The following EPC2 variants were observed in gnomAD, a reference collection of about 807,000 sequenced individuals.
EPC2 encodes the protein enhancer of polycomb homolog 2.
Under a neutral mutation model 92.1 loss-of-function variants are expected in EPC2, and 14 were observed. The ratio of observed to expected loss-of-function variants is 0.15; its 90% CI spans 0.10 to 0.24. The LOEUF (loss-of-function observed/expected upper bound fraction) is 0.24. Among genes scored for constraint, EPC2 ranks in the 10% least tolerant of loss-of-function variants. The pLI is 1.00. For synonymous variants in EPC2, 340 were observed against 334.7 expected (o/e 1.02, Z -0.17); for missense variants, 755 against 971.5 (o/e 0.78, Z 2.96).
At chr2:148,720,485 G>A (rs542205634) in intron 2 of EPC2, among the ~76,000 whole-genome samples, 2 of 152,290 alleles carry the variant, frequency 1.3e-5, no homozygotes, top group East Asian at 1.9e-4. Flanking sequence ...TGGACCTCCC[G>A]CCTTGTCTGA....
At chr2:148,727,892 C>T (rs770185061) in intron 2 of EPC2, among the ~76,000 whole-genome samples, 2 of 152,190 alleles carry the variant, frequency 1.3e-5, no homozygotes, top group Non-Finnish European at 2.9e-5. Context: ...CTTCTGTACA[C>T]TCTCCACTCC....
chr2:148,647,414 T>C (rs1683825427), intron 1 of EPC2, among the ~76,000 whole-genome samples: 2 of 151,680 alleles, frequency 1.3e-5, no homozygotes, highest in African/African-American at 4.8e-5. Flanking sequence ...TTCAGGTGAT[T>C]TTCCTGCCTC....
chr2:148,751,711 G>T (rs1683085648), intron 3 of EPC2, among the ~76,000 whole-genome samples: 1 of 152,008 alleles, frequency 6.6e-6, no homozygotes, highest in South Asian at 2.1e-4. Flanking sequence ...TTTTAATCAT[G>T]TGACTTAATA....
At chr2:148,698,373 C>G (rs1051534884) in intron 2 of EPC2, among the ~76,000 whole-genome samples, 1 of 152,092 alleles carries the variant, frequency 6.6e-6, no homozygotes, top group African/African-American at 2.4e-5. Flanking sequence ...CGCAGTGGCT[C>G]GTGCCTGTAA....
In EPC2 at chr2:148,765,041, T is replaced by A. The variant is rs1054131052; in HGVS notation, c.1035T>A (p.Ala345=). The change falls in exon 7 of 14, where the codon GCT becomes GCA. Residue 345 remains alanine, a synonymous_variant. Coordinates refer to ENST00000258484, the MANE Select transcript of EPC2 (RefSeq NM_015630.4). ...ACCCAAAGAAGCCTAAAGCAGAGGC[T>A]TTGATAACATCTCAGCAACCCACTC... ...KKYPKKPKAE[A]LITSQQPTPE... 3 of 1,609,740 alleles carry A rather than the reference T, an allele frequency of 1.9e-6. No homozygotes were observed. Among genetic ancestry groups the A allele is most frequent in the Non-Finnish European group, 2.5e-6 (3 of 1,177,488 alleles).
intron 1 of EPC2, among the ~76,000 whole-genome samples, chr2:148,670,215 C>G (rs1202006308): frequency 1.3e-5 from 2 of 152,196 alleles, no homozygotes; most frequent in Non-Finnish European, 2.9e-5. Flanking sequence ...TGTTTTCCTT[C>G]TCTTAAAGAG....
At chr2:148,750,618 C>T (rs1041655066) in intron 3 of EPC2, among the ~76,000 whole-genome samples, 17 of 151,896 alleles carry the variant, frequency 1.1e-4, no homozygotes, top group Admixed American at 8.5e-4. Flanking sequence ...ATTGGCTTGC[C>T]GTAATTTTGT....
chr2:148,745,703 A>G (rs146625694), intron 3 of EPC2, among the ~76,000 whole-genome samples: 156 of 152,236 alleles, frequency 1.0e-3, no homozygotes, highest in African/African-American at 3.5e-3. Flanking sequence ...ATTAAAGATA[A>G]CAAAGGGCTA....
intron 1 of EPC2, among the ~76,000 whole-genome samples, chr2:148,667,684 A>G (rs1391040168): frequency 1.3e-5 from 2 of 152,164 alleles, no homozygotes; most frequent in East Asian, 1.9e-4. Context: ...ACTCCAGTAC[A>G]ATATTGAATA....
intron 2 of EPC2, among the ~76,000 whole-genome samples, chr2:148,697,351 A>T (rs558409715): frequency 6.6e-6 from 1 of 152,060 alleles, no homozygotes; most frequent in East Asian, 1.9e-4. Flanking sequence ...GGGTAGAGGC[A>T]GGTTGCTTGC....
chr2:148,729,877 G>A (rs971673560), intron 2 of EPC2, among the ~76,000 whole-genome samples: 2 of 152,140 alleles, frequency 1.3e-5, no homozygotes, highest in African/African-American at 2.4e-5. Context: ...TCTCATAGTT[G>A]TCATCATTAC....
At chr2:148,721,133 T>C (rs557717318) in intron 2 of EPC2, among the ~76,000 whole-genome samples, 1 of 152,312 alleles carries the variant, frequency 6.6e-6, no homozygotes, top group African/African-American at 2.4e-5. Context: ...ACTCTTCCTA[T>C]GTTTATGTAG....
chr2:148,668,799 G>A (rs141533671), intron 1 of EPC2, among the ~76,000 whole-genome samples: 40 of 152,046 alleles, frequency 2.6e-4, no homozygotes, highest in Non-Finnish European at 5.4e-4. Flanking sequence ...AATCTGGCTA[G>A]AGGTTTATCA....
chr2:148,705,456 T>G (rs549515738), intron 2 of EPC2, among the ~76,000 whole-genome samples: 18 of 152,262 alleles, frequency 1.2e-4, no homozygotes, highest in African/African-American at 4.3e-4. Flanking sequence ...CATTTCCAAC[T>G]GAGCTCTGAA....
intron 1 of EPC2, among the ~76,000 whole-genome samples, chr2:148,680,188 C>T (rs1237688398): frequency 6.6e-6 from 1 of 151,632 alleles, no homozygotes; most frequent in East Asian, 1.9e-4. Flanking sequence ...CTGCTAAATC[C>T]CTATTGATCC....
At chr2:148,774,619 ATATTT>A (rs1683588800) in intron 10 of EPC2, among the ~76,000 whole-genome samples, 1 of 111,840 alleles carries the variant, frequency 8.9e-6, no homozygotes, top group East Asian at 5.7e-4. Context: ...AAAAAAAAAT[ATATTT>A]TATATATATA....
intron 2 of EPC2, among the ~76,000 whole-genome samples, chr2:148,728,378 CTT>C (rs989597830): frequency 6.9e-6 from 1 of 144,782 alleles, no homozygotes; most frequent in African/African-American, 2.5e-5. Context: ...TGTTCTCATT[CTT>C]TTTTTTTTTA....
intron 1 of EPC2, among the ~76,000 whole-genome samples, chr2:148,679,982 G>A (rs1681361870): frequency 6.6e-6 from 1 of 151,950 alleles, no homozygotes; most frequent in South Asian, 2.1e-4. Flanking sequence ...AACTAAATTT[G>A]TAGTAATACT....
chr2:148,782,168 G>A (rs1683762292), intron 11 of EPC2, among the ~76,000 whole-genome samples: 1 of 152,144 alleles, frequency 6.6e-6, no homozygotes, highest in Admixed American at 6.5e-5. Flanking sequence ...TCCATGAGCT[G>A]GGCAGTAATT....
Sources: allele counts gnomAD v4.1 joint callset (sites outside exome capture counted in the v4.1 genomes callset), GRCh38; gene constraint gnomAD v4.1.1; transcripts MANE v1.5; gene names NCBI Gene and HGNC (gene_info 2026-07-23, HGNC 2026-07-21).